Variants in EAF2 observed in about 807,000 individuals in gnomAD.
EAF2 encodes ELL-associated factor 2.
Under a neutral mutation model 29.4 loss-of-function variants are expected in EAF2, and 29 were observed. That is an observed-to-expected ratio of 0.99 (90% CI 0.73 to 1.35). The LOEUF is 1.35. Among genes scored for constraint, EAF2 ranks in the 40% most tolerant of loss-of-function variants. The pLI is 0.00. For missense variants in EAF2, 292 were observed against 312.0 expected, an observed-to-expected ratio of 0.94 and a Z score of 0.48; for synonymous variants, 103 against 102.5, an observed-to-expected ratio of 1.00 and a Z score of -0.03.
intron 1 of EAF2, among the ~76,000 whole-genome samples, chr3:121,839,106 A>T (rs1708358089): frequency 6.6e-6 from 1 of 152,238 alleles, no homozygotes; most frequent in Non-Finnish European, 1.5e-5. Flanking sequence ...TTAATAGCAT[A>T]TAGGCTGAGC....
At chr3:121,853,999 T>G (rs1019363898) in intron 2 of EAF2, among the ~76,000 whole-genome samples, 4 of 152,028 alleles carry the variant, frequency 2.6e-5, no homozygotes, top group Admixed American at 6.6e-5. Context: ...ATTTTAAAAA[T>G]TAAACTTATA....
At chr3:121,857,180 T>C (rs371961527) in intron 4 of EAF2, 24 bp downstream of exon 4, 3 of 1,591,718 alleles carry the variant, frequency 1.9e-6, no homozygotes, top group Non-Finnish European at 1.7e-6. Context: ...ATATGTAACA[T>C]CCCTTTATAA....
At chr3:121,875,084 A>G (rs1709073538) in intron 5 of EAF2, among the ~76,000 whole-genome samples, 1 of 151,922 alleles carries the variant, frequency 6.6e-6, no homozygotes, top group Admixed American at 6.6e-5. Context: ...AAGTTATAAT[A>G]ATATAATCAG....
intron 1 of EAF2, among the ~76,000 whole-genome samples, chr3:121,840,915 G>A (rs545309400): frequency 2.1e-4 from 32 of 152,172 alleles, no homozygotes; most frequent in African/African-American, 6.7e-4. Context: ...TGAGATTCTG[G>A]GTAGTACGGA....
At chr3:121,848,902 G>T (rs1204491450) in intron 2 of EAF2, among the ~76,000 whole-genome samples, 4 of 151,896 alleles carry the variant, frequency 2.6e-5, no homozygotes, top group African/African-American at 7.3e-5. Flanking sequence ...AAAAAAAAGA[G>T]AATGAAAGAG....
chr3:121,840,297 C>A (rs1413244238), intron 1 of EAF2, among the ~76,000 whole-genome samples: 1 of 149,338 alleles, frequency 6.7e-6, no homozygotes, highest in Admixed American at 6.7e-5. Flanking sequence ...TCCAGACGAG[C>A]CTGAACAACA....
intron 1 of EAF2, among the ~76,000 whole-genome samples, chr3:121,839,069 C>A (rs1708357048): frequency 6.6e-6 from 1 of 152,198 alleles, no homozygotes; most frequent in Non-Finnish European, 1.5e-5. Context: ...AAAATCACTT[C>A]ATAAACACTA....
At chr3:121,875,831 G>A (rs1220877083) in intron 5 of EAF2, among the ~76,000 whole-genome samples, 1 of 67,136 alleles carries the variant, frequency 1.5e-5, no homozygotes, top group Non-Finnish European at 3.4e-5. Context: ...AAGAAAAACT[G>A]TAGACTGGAT....
At chr3:121,846,739 G>C (rs970631998) in intron 2 of EAF2, among the ~76,000 whole-genome samples, 5 of 151,336 alleles carry the variant, frequency 3.3e-5, no homozygotes, top group Non-Finnish European at 7.4e-5. Flanking sequence ...TTGCCAAGTA[G>C]AATATTGTTT....
chr3:121,882,403 T>C (rs1419141731), intron 5 of EAF2, among the ~76,000 whole-genome samples: 1 of 150,710 alleles, frequency 6.6e-6, no homozygotes, highest in Non-Finnish European at 1.5e-5. Context: ...ATGAATATAA[T>C]AGGATTTTCT....
At chr3:121,880,096 C>T (rs553999584) in intron 5 of EAF2, among the ~76,000 whole-genome samples, 1 of 151,838 alleles carries the variant, frequency 6.6e-6, no homozygotes, top group South Asian at 2.1e-4. Context: ...GCTCTTTCAC[C>T]TTCTTGGTTA....
intron 2 of EAF2, among the ~76,000 whole-genome samples, chr3:121,848,383 T>A (rs146125220): frequency 1.0e-3 from 155 of 152,334 alleles, no homozygotes; most frequent in African/African-American, 3.4e-3. Context: ...TATACTTTGC[T>A]AATATTTTAA....
At chr3:121,835,469 G>A in intron 1 of EAF2, 78 bp downstream of exon 1, 1 of 1,294,558 alleles carries the variant, frequency 7.7e-7, no homozygotes, top group South Asian at 1.2e-5. Flanking sequence ...TCTGGGTTTT[G>A]TTCCCACAGT....
intron 5 of EAF2, among the ~76,000 whole-genome samples, chr3:121,881,778 C>T (rs1455240170): frequency 2.0e-5 from 3 of 151,890 alleles, no homozygotes; most frequent in African/African-American, 7.3e-5. Flanking sequence ...CCCAAAGTGC[C>T]GTGATTGCAG....
At chr3:121,837,442 G>A (rs1708324218) in intron 1 of EAF2, 1 of 152,154 alleles carries the variant, frequency 6.6e-6, no homozygotes, top group South Asian at 2.1e-4. Context: ...CTGCCTGTCT[G>A]ATATAAGACT....
At chr3:121,848,891 C>G (rs1444657349) in intron 2 of EAF2, among the ~76,000 whole-genome samples, 1 of 150,898 alleles carries the variant, frequency 6.6e-6, no homozygotes, top group Non-Finnish European at 1.5e-5. Flanking sequence ...CCCCCCCACA[C>G]AAAAAAAAGA....
intron 5 of EAF2, among the ~76,000 whole-genome samples, chr3:121,882,901 G>A (rs1709215429): frequency 6.6e-6 from 1 of 151,550 alleles, no homozygotes; most frequent in Admixed American, 6.6e-5. Context: ...CCATTGCTCA[G>A]CTTTATGAGA....
At chr3:121,855,888 G>A (rs901532982) in intron 3 of EAF2, among the ~76,000 whole-genome samples, 2 of 152,152 alleles carry the variant, frequency 1.3e-5, no homozygotes, top group African/African-American at 2.4e-5. Context: ...TTTTTAACCA[G>A]GGATTGGCAT....
chr3:121,880,457 T>G (rs113575551), intron 5 of EAF2, among the ~76,000 whole-genome samples: 274 of 5,144 alleles, frequency 0.053, 1 homozygote, highest in Middle Eastern at 0.17. Flanking sequence ...TGTTTTGGGG[T>G]GTGTGTGTGT....
Sources: allele counts gnomAD v4.1 joint callset (sites outside exome capture counted in the v4.1 genomes callset), GRCh38; gene constraint gnomAD v4.1.1; transcripts MANE v1.5; gene names NCBI Gene and HGNC (gene_info 2026-07-23, HGNC 2026-07-21).